The following PLEKHM3 variants were observed in gnomAD, a reference collection of about 807,000 sequenced individuals.
PLEKHM3 encodes the protein pleckstrin homology domain-containing family M member 3.
PLEKHM3 carries 45 observed loss-of-function variants against 81.8 expected under a neutral mutation model. That is an observed-to-expected ratio of 0.55 (90% CI 0.43 to 0.71). The LOEUF (loss-of-function observed/expected upper bound fraction) is 0.71, where lower values mean the gene tolerates loss of function less well. Among genes scored for constraint, PLEKHM3 ranks in the 30% least tolerant of loss-of-function variants. The pLI, the probability that PLEKHM3 is intolerant of heterozygous loss-of-function variation, is 0.00. For synonymous variants in PLEKHM3, 352 were observed against 356.4 expected (o/e 0.99, Z 0.14); for missense variants, 788 against 924.3 (o/e 0.85, Z 1.91).
intron 3 of PLEKHM3, among the ~76,000 whole-genome samples, chr2:207,969,876 A>C (rs1047445684): frequency 6.6e-6 from 1 of 152,210 alleles, no homozygotes; most frequent in African/African-American, 2.4e-5. Flanking sequence ...ATTAGTACAT[A>C]GATTTTTTTC....
chr2:208,010,266 A>C lies in PLEKHM3; in HGVS notation c.-318-8309T>G, dbSNP rs552482788. Reference sequence around the variant, plus strand: ...TGCCTCAGAAACCTAACTAAATATAAGCATGGCACTTTAAATCTCAGATTG... The same window carrying C: ...TGCCTCAGAAACCTAACTAAATATACGCATGGCACTTTAAATCTCAGATTG... On this transcript the variant is annotated intron_variant, in intron 1 of 7. Coordinates refer to ENST00000427836, the MANE Select transcript of PLEKHM3 (RefSeq NM_001080475.3). 3.3e-5 allele frequency among the ~76,000 whole-genome samples: 5 copies of C among 152,380 alleles called. No individual in the cohort carries two copies. In the South Asian group the frequency reaches 1.0e-3, roughly 32 times the overall value.
intron 6 of PLEKHM3, among the ~76,000 whole-genome samples, chr2:207,862,454 T>C (rs190564316): frequency 2.9e-4 from 44 of 152,148 alleles, no homozygotes; most frequent in African/African-American, 1.0e-3. Flanking sequence ...CTGGCCAACA[T>C]AGCAAAACCC....
intron 5 of PLEKHM3, among the ~76,000 whole-genome samples, chr2:207,922,734 C>A (rs371595324): frequency 6.6e-6 from 1 of 151,988 alleles, no homozygotes; most frequent in South Asian, 2.1e-4. Flanking sequence ...ATGGTGTGAA[C>A]CCGGGAGGCA....
chr2:207,984,306 T>A (rs1691640911), intron 2 of PLEKHM3, among the ~76,000 whole-genome samples: 1 of 152,230 alleles, frequency 6.6e-6, no homozygotes, highest in Non-Finnish European at 1.5e-5. Context: ...TTAAAATATA[T>A]ACGATACTTT....
Position 207,927,439 on chromosome 2 carries a change from C to G in PLEKHM3, c.1886+3487G>C, listed in dbSNP as rs565773570. ...GCTGAGGCAGGAGAATCGCTTGAAC[C>G]CAGGAGGCAGAGGCTGCAGTGAGCC... On this transcript the variant is annotated intron_variant, in intron 5 of 7. Transcript: ENST00000427836. Among the ~76,000 whole-genome samples, 43 of 148,228 alleles carry G rather than the reference C, an allele frequency of 2.9e-4. No individual in the cohort carries two copies. In the South Asian group the frequency reaches 9.2e-3, roughly 32 times the overall value.
At chr2:207,966,006 C>T (rs916619719) in intron 3 of PLEKHM3, among the ~76,000 whole-genome samples, 5 of 152,214 alleles carry the variant, frequency 3.3e-5, no homozygotes, top group Admixed American at 2.6e-4. Flanking sequence ...AAGTCAGTCC[C>T]TCTAAAATAT....
At chr2:208,013,816 TACTTAAAAC>T (rs1183378716) in intron 1 of PLEKHM3, among the ~76,000 whole-genome samples, 187 of 152,320 alleles carry the variant, frequency 1.2e-3, no homozygotes, top group Non-Finnish European at 2.5e-3. Context: ...GAAGGGAGAA[TACTTAAAAC>T]TTTAACCTTC....
chr2:208,020,591 C>T (rs1190913758), intron 1 of PLEKHM3, among the ~76,000 whole-genome samples: 1 of 152,198 alleles, frequency 6.6e-6, no homozygotes, highest in African/African-American at 2.4e-5. Flanking sequence ...TTATCACGCT[C>T]TCACTCAGCA....
At chr2:207,993,664 T>C (rs564824177) in intron 2 of PLEKHM3, among the ~76,000 whole-genome samples, 1 of 151,912 alleles carries the variant, frequency 6.6e-6, no homozygotes, top group Non-Finnish European at 1.5e-5. Context: ...AATACAGGCA[T>C]AGGAATGGTA....
rs1446081239 is a variant in PLEKHM3 at position 207,978,357 on chromosome 2, C to T, written c.611-771G>A. Among the ~76,000 whole-genome samples, 15 of 142,942 alleles carry T rather than the reference C, an allele frequency of 1.0e-4. 1 individual carries two copies. The South Asian group carries it at 2.6e-3, about 25-fold the overall frequency. The allele number at this position is 142,942 out of a possible 152,430, so 93.8% of individuals were successfully genotyped here. A position where few individuals can be genotyped will look rare whatever the true frequency, so the allele number is the denominator to read the frequency against. ...TTGCGGTTTTTACCATTACTTTTAACGGTAAAAACCGCAATTACTTTTGCA... is the reference window on the plus strand; with the variant it reads ...TTGCGGTTTTTACCATTACTTTTAATGGTAAAAACCGCAATTACTTTTGCA... On this transcript the variant is annotated intron_variant, in intron 2 of 7. Transcript: ENST00000427836.
chr2:207,903,235 A>G (rs1688498824), intron 6 of PLEKHM3, among the ~76,000 whole-genome samples: 2 of 152,182 alleles, frequency 1.3e-5, no homozygotes, highest in African/African-American at 4.8e-5. Flanking sequence ...TAGAATCTAA[A>G]CTGCCCTCAC....
chr2:207,911,906 A>G (rs1688820119), intron 5 of PLEKHM3, among the ~76,000 whole-genome samples: 1 of 152,196 alleles, frequency 6.6e-6, no homozygotes, highest in Non-Finnish European at 1.5e-5. Flanking sequence ...GCTACTTAAA[A>G]GTCCTTTCTG....
chr2:208,006,272 G>A (rs1245366123), intron 1 of PLEKHM3, among the ~76,000 whole-genome samples: 1 of 152,136 alleles, frequency 6.6e-6, no homozygotes, highest in Non-Finnish European at 1.5e-5. Flanking sequence ...TTACTAGCTT[G>A]CCTCATTTAG....
chr2:207,907,213 C>G (rs1482220839), intron 6 of PLEKHM3, among the ~76,000 whole-genome samples: 1 of 152,088 alleles, frequency 6.6e-6, no homozygotes, highest in African/African-American at 2.4e-5. Context: ...ATTAAAAGTA[C>G]AAGTGTGGCC....
chr2:207,965,169 C>T lies in PLEKHM3; in HGVS notation c.1546+11482G>A, dbSNP rs564176143. ...AGAATCTTAACCTGCCCAAGTTTATCTTAAAACTGTACCTACACCAGTTTC... is the reference window on the plus strand; with the variant it reads ...AGAATCTTAACCTGCCCAAGTTTATTTTAAAACTGTACCTACACCAGTTTC... On this transcript the variant is annotated intron_variant, in intron 3 of 7. Transcript: ENST00000427836. 3.9e-5 allele frequency among the ~76,000 whole-genome samples: 6 copies of T among 152,294 alleles called. No homozygotes were observed. In the East Asian group the frequency reaches 7.7e-4, roughly 20 times the overall value.
chr2:207,945,714 G>A (rs1299105314), intron 4 of PLEKHM3, among the ~76,000 whole-genome samples: 2 of 152,054 alleles, frequency 1.3e-5, no homozygotes, highest in Admixed American at 6.5e-5. Flanking sequence ...CCAGCCTGGG[G>A]AACATGGTGA....
At chr2:207,867,491 T>C (rs2092507665) in intron 6 of PLEKHM3, among the ~76,000 whole-genome samples, 1 of 152,174 alleles carries the variant, frequency 6.6e-6, no homozygotes, top group Non-Finnish European at 1.5e-5. Flanking sequence ...GTTAATCTTG[T>C]CTTTGAATAC....
At chr2:207,925,060 G>A (rs1689341727) in intron 5 of PLEKHM3, among the ~76,000 whole-genome samples, 1 of 152,106 alleles carries the variant, frequency 6.6e-6, no homozygotes, top group Non-Finnish European at 1.5e-5. Flanking sequence ...TCAGAAGTGA[G>A]TGGGCAAAAG....
chr2:207,952,179 C>T (rs183456695), intron 3 of PLEKHM3, among the ~76,000 whole-genome samples: 3 of 152,300 alleles, frequency 2.0e-5, no homozygotes, highest in African/African-American at 7.2e-5. Flanking sequence ...TGAGAAGACA[C>T]ATTGTCGTTT....
Sources: allele counts gnomAD v4.1 joint callset (sites outside exome capture counted in the v4.1 genomes callset), GRCh38; gene constraint gnomAD v4.1.1; transcripts MANE v1.5; gene names NCBI Gene and HGNC (gene_info 2026-07-23, HGNC 2026-07-21).